YBX1: variants seen among roughly 807,000 people sequenced by gnomAD.
YBX1 encodes Y-box binding protein 1.
YBX1 carries 3 observed loss-of-function variants against 41.4 expected under a neutral mutation model. The observed-to-expected ratio is 0.07, with a 90% CI of 0.03 to 0.19. The LOEUF (loss-of-function observed/expected upper bound fraction) is 0.19, where lower values mean the gene tolerates loss of function less well. Among genes scored for constraint, YBX1 ranks in the 10% least tolerant of loss-of-function variants. The pLI, the probability that YBX1 is intolerant of heterozygous loss-of-function variation, is 1.00. For missense variants in YBX1, 274 were observed against 462.8 expected (o/e 0.59, Z 3.74); for synonymous variants, 133 against 165.8 (o/e 0.80, Z 1.52).
chr1:42,693,551 T>C (rs765717903), intron 3 of YBX1, 28 bp downstream of exon 3: 2 of 1,611,288 alleles, frequency 1.2e-6, no homozygotes, highest in Admixed American at 1.7e-5. Context: ...TATTTGCACT[T>C]CTGATTCAAG....
intron 2 of YBX1, among the ~76,000 whole-genome samples, chr1:42,689,194 CAT>C (rs1336167539): frequency 2.0e-5 from 3 of 152,182 alleles, no homozygotes; most frequent in African/African-American, 4.8e-5. Flanking sequence ...AAGGCAGAAT[CAT>C]AGACAATATG....
At chr1:42,691,789 A>G (rs1650340710) in intron 2 of YBX1, among the ~76,000 whole-genome samples, 3 of 152,202 alleles carry the variant, frequency 2.0e-5, no homozygotes, top group Admixed American at 2.0e-4. Flanking sequence ...AAATCTTTAC[A>G]TAGTCTTCTA....
chr1:42,687,602 TC>T (rs1391808173), intron 2 of YBX1, among the ~76,000 whole-genome samples: 19 of 152,092 alleles, frequency 1.2e-4, no homozygotes, highest in Non-Finnish European at 1.6e-4. Flanking sequence ...GATTTTTTTT[TC>T]TTTTTTAAAG....
chr1:42,694,771 T>A (rs1650419035), intron 3 of YBX1, among the ~76,000 whole-genome samples: 1 of 152,226 alleles, frequency 6.6e-6, no homozygotes, highest in Non-Finnish European at 1.5e-5. Context: ...TTAAAGTAGA[T>A]GTTTTATAAA....
Position 42,696,271 on chromosome 1 carries a change from G to A in YBX1, c.337G>A (p.Val113Ile). 2.5e-6 allele frequency: 4 copies of A among 1,613,362 alleles called. No homozygotes were observed. Among genetic ancestry groups the A allele is most frequent in the Non-Finnish European group, 2.5e-6 (3 of 1,179,608 alleles). Residue 113 changes from valine (V) to isoleucine (I), a missense_variant, in exon 4 of 8, where the codon GTT (valine) becomes ATT (isoleucine). Around this residue, in one of 3 missense-constraint regions of YBX1, gnomAD observed 187 missense variants for 306.3 expected, o/e 0.61. Coordinates refer to ENST00000321358, the MANE Select transcript of YBX1 (RefSeq NM_004559.5). This position sits in a 1 kb window ranked among gnomAD's most constrained non-coding sequence, Gnocchi z 5.7. ...VGDGETVEFDVVEGEKGAEAA... is the reference protein window; with the variant it reads ...VGDGETVEFDIVEGEKGAEAA... ...AGATGGAGAGACTGTGGAGTTTGATGTTGTTGAAGGAGAAAAGGTGAGGAT... is the reference window on the plus strand; with the variant it reads ...AGATGGAGAGACTGTGGAGTTTGATATTGTTGAAGGAGAAAAGGTGAGGAT...
At chr1:42,699,035 A>G (rs564362629) in intron 6 of YBX1, among the ~76,000 whole-genome samples, 1 of 152,244 alleles carries the variant, frequency 6.6e-6, no homozygotes, top group African/African-American at 2.4e-5. Context: ...TAGTAAGGGG[A>G]AAATGGGGGG....
At chr1:42,693,022 G>C (rs1650377444) in intron 2 of YBX1, among the ~76,000 whole-genome samples, 1 of 152,058 alleles carries the variant, frequency 6.6e-6, no homozygotes, top group South Asian at 2.1e-4. Flanking sequence ...TTCACTCTTT[G>C]CGTTATACAT....
rs1273819018 is a variant in YBX1, at chr1:42,683,393, TC to T, written c.167-9del. The T allele has an allele frequency of 9.3e-6, 15 of 1,614,096 alleles. No homozygotes were observed. The highest frequency in any genetic ancestry group is 1.3e-5 in the Non-Finnish European group (15 of 1,180,034). ...AATCGTGGCTTGTTTTGCTTTGTTT[TC>T]TTTTCCAGCAACGAAGGTTTTGGGA... On this transcript the variant is annotated splice_polypyrimidine_tract_variant and intron_variant, in intron 1 of 7. Transcript: ENST00000321358.
Position 42,696,838 on chromosome 1 carries a change from A to G in YBX1, c.551A>G (p.Gln184Arg). ...SESAPEGQAQ[Q>R]RRPYRRRRFP... ...AGTGCTCCCGAAGGCCAGGCCCAAC[A>G]ACGCCGGCCCTACCGCAGGCGAAGG... Residue 184 changes from glutamine (Q) to arginine (R), a missense_variant, in exon 5 of 8, where the codon CAA becomes CGA. By Grantham distance (43) the Gln-to-Arg change is conservative. Coordinates refer to ENST00000321358, the MANE Select transcript of YBX1 (RefSeq NM_004559.5). The surrounding 1 kb of genome is among the most constrained non-coding windows in gnomAD (Gnocchi z 5.7). 1.2e-6 allele frequency: 2 copies of G among 1,612,566 alleles called. No individual in the cohort carries two copies. The highest frequency in any genetic ancestry group is 1.7e-6 in the Non-Finnish European group (2 of 1,179,004).
intron 6 of YBX1, among the ~76,000 whole-genome samples, chr1:42,699,631 T>TA (rs942056435): frequency 6.6e-6 from 1 of 151,786 alleles, no homozygotes; most frequent in African/African-American, 2.4e-5. Flanking sequence ...TTTTTTTTTT[T>TA]AAATTGTTTT....
chr1:42,694,482 T>C (rs926019077), intron 3 of YBX1, among the ~76,000 whole-genome samples: 5 of 152,206 alleles, frequency 3.3e-5, no homozygotes, highest in Non-Finnish European at 7.3e-5. Context: ...TTTTTTGTAC[T>C]ATAATCCAGA....
intron 2 of YBX1, among the ~76,000 whole-genome samples, chr1:42,691,592 ACAGT>A (rs1298671562): frequency 1.2e-4 from 19 of 152,354 alleles, no homozygotes; most frequent in South Asian, 2.1e-4. Context: ...GGCATAACAA[ACAGT>A]CAGAGCCACC....
chr1:42,701,160 A>G, intron 7 of YBX1, 114 bp downstream of exon 7: 1 of 731,680 alleles, frequency 1.4e-6, no homozygotes, highest in East Asian at 2.7e-5. Flanking sequence ...AAGCCATGTT[A>G]TTTATAATGT....
intron 2 of YBX1, among the ~76,000 whole-genome samples, chr1:42,686,599 T>C (rs892977385): frequency 1.3e-5 from 2 of 152,200 alleles, no homozygotes; most frequent in Non-Finnish European, 2.9e-5. Context: ...CTATCTCTCT[T>C]TAGTCACGCC....
intron 2 of YBX1, 82 bp from the exon 3 acceptor site, chr1:42,693,406 CAG>C (rs1323688068): frequency 6.5e-7 from 1 of 1,536,338 alleles, no homozygotes; most frequent in African/African-American, 1.4e-5. Flanking sequence ...AATTGGCAGC[CAG>C]AGAGTCTCTG....
At position 42,696,568 on chromosome 1, in the gene YBX1, T is replaced by C. The variant is rs541671807; in HGVS notation, c.355-74T>C. On this transcript the variant is annotated intron_variant, in intron 4 of 7. Coordinates refer to ENST00000321358, the MANE Select transcript of YBX1 (RefSeq NM_004559.5). The surrounding 1 kb of genome is among the most constrained non-coding windows in gnomAD (Gnocchi z 5.7). ...TGTTTTTTGCTTTGTTTGAAAATGTTCTGATTTCCTTTTGAAAGTGTTGAA... is the reference window on the plus strand; with the variant it reads ...TGTTTTTTGCTTTGTTTGAAAATGTCCTGATTTCCTTTTGAAAGTGTTGAA... 4.2e-6 allele frequency: 5 copies of C among 1,203,896 alleles called. No individual in the cohort carries two copies. In the East Asian group the frequency reaches 1.8e-4, roughly 44 times the overall value. 74.6% of individuals were successfully genotyped at this position (1,203,896 alleles called of 1,614,324 possible).
chr1:42,684,441 C>T (rs1650141603), intron 2 of YBX1, among the ~76,000 whole-genome samples: 1 of 152,196 alleles, frequency 6.6e-6, no homozygotes, highest in Non-Finnish European at 1.5e-5. Context: ...GTCTTGCTTG[C>T]TTACTGTAGA....
chr1:42,702,615 G>T lies in YBX1; in HGVS notation c.*666G>T, dbSNP rs1650631856. On this transcript the variant is annotated 3_prime_UTR_variant, in exon 8 of 8. Coordinates refer to ENST00000321358, the MANE Select transcript of YBX1 (RefSeq NM_004559.5). ...AGACTTGAGTGTAGATTTTGGGTGG[G>T]TCCCTTTGGCTGTGAGGCATTGTTT... is the stretch of plus-strand genomic sequence containing the variant. Among the ~76,000 whole-genome samples the T allele has an allele frequency of 7.2e-6, 1 of 139,144 alleles. No individual in the cohort carries two copies. Among genetic ancestry groups the T allele is most frequent in the African/African-American group, 2.7e-5 (1 of 37,208 alleles). The allele number at this position is 139,144 out of a possible 152,430, so 91.3% of individuals were successfully genotyped here. A position where few individuals can be genotyped will look rare whatever the true frequency, so the allele number is the denominator to read the frequency against.
intron 2 of YBX1, among the ~76,000 whole-genome samples, chr1:42,690,629 C>T (rs1018231717): frequency 6.6e-6 from 1 of 152,278 alleles, no homozygotes; most frequent in African/African-American, 2.4e-5. Context: ...AAGACTTTAT[C>T]CAGCTTTGGA....
Sources: gnomAD v4.1 joint callset for allele counts (sites outside exome capture counted in the v4.1 genomes callset) on GRCh38, gnomAD v4.1.1 for gene constraint, gnomAD v4.1.1 regional missense constraint, Gnocchi (gnomAD v3.1) non-coding constraint, MANE v1.5 for transcripts, NCBI Gene and HGNC (gene_info 2026-07-23, HGNC 2026-07-21) for gene names.